Variants in AKAP13 observed in about 807,000 individuals in gnomAD.
AKAP13 encodes the protein A-kinase anchoring protein 13, also known as A-kinase anchor protein 13.
AKAP13 carries 80 observed loss-of-function variants against 264.5 expected under a neutral mutation model. The ratio of observed to expected loss-of-function variants is 0.30; its 90% CI spans 0.25 to 0.36. The LOEUF is 0.36. AKAP13 is among the 10% of genes least tolerant of loss of function. AKAP13 has a pLI of 1.00. For missense variants in AKAP13, 3,712 were observed against 3,435.2 expected (o/e 1.08, Z -2.01); for synonymous variants, 1,380 against 1,250.2 (o/e 1.10, Z -2.19).
chr15:85,723,286 T>G lies in AKAP13; in HGVS notation c.6711T>G (p.Ser2237Arg). Residue 2237 changes from serine to arginine, a missense_variant, in exon 26 of 37, where the codon AGT becomes AGG. Ser to Arg is a moderately radical substitution (Grantham distance 110, BLOSUM62 -1). Around this residue, in one of 3 missense-constraint regions of AKAP13, gnomAD observed 342 missense variants for 484.3 expected, o/e 0.71. Coordinates refer to ENST00000394518, the MANE Select transcript of AKAP13 (RefSeq NM_007200.5). Reference sequence around the variant, plus strand: ...GGAAGAAGCTTGTACGTGATGGGAGTGTGTTTCTGAAGAATGCAGCAGGAA... The same window carrying G: ...GGAAGAAGCTTGTACGTGATGGGAGGGTGTTTCTGAAGAATGCAGCAGGAA... Reference protein sequence around the residue: ...LKRKKLVRDGSVFLKNAAGRL... With the variant: ...LKRKKLVRDGRVFLKNAAGRL... 1 of 1,613,934 alleles carries G rather than the reference T, an allele frequency of 6.2e-7. No homozygotes were observed. Among genetic ancestry groups the G allele is most frequent in the South Asian group, 1.1e-5 (1 of 91,060 alleles).
chr15:85,646,953 T>G (rs935274961), intron 10 of AKAP13, among the ~76,000 whole-genome samples: 1 of 152,234 alleles, frequency 6.6e-6, no homozygotes, highest in African/African-American at 2.4e-5. Context: ...ACAAGTGGTT[T>G]TCTTAATGGT....
intron 1 of AKAP13, among the ~76,000 whole-genome samples, chr15:85,413,678 T>C (rs756667247): frequency 1.9e-4 from 29 of 152,070 alleles, no homozygotes; most frequent in Admixed American, 1.4e-3. Context: ...GTCATCACGG[T>C]TTCAGCTCCG....
At chr15:85,558,943 T>C (rs2078248974) in intron 5 of AKAP13, among the ~76,000 whole-genome samples, 3 of 150,356 alleles carry the variant, frequency 2.0e-5, no homozygotes, top group Admixed American at 6.6e-5. Flanking sequence ...TTCCCCTCCC[T>C]CCTCCTCCTC....
intron 1 of AKAP13, among the ~76,000 whole-genome samples, chr15:85,471,630 A>G (rs2074964636): frequency 6.6e-6 from 1 of 152,240 alleles, no homozygotes; most frequent in African/African-American, 2.4e-5. Context: ...ACAATCAGCA[A>G]ATAGAACATT....
Position 85,504,503 on chromosome 15 carries a change from C to CAAAAAAAAAA in AKAP13, c.34-16902_34-16893dup, listed in dbSNP as rs566579814. On this transcript the variant is annotated intron_variant, in intron 2 of 36. Coordinates refer to ENST00000394518, the MANE Select transcript of AKAP13 (RefSeq NM_007200.5). ...GCGATGTGGTGAGACCCTGTCTTTA[C>CAAAAAAAAAA]AAAAAAAAAAAAAAAAAAAAAAAAA... Among the ~76,000 whole-genome samples the CAAAAAAAAAA allele has an allele frequency of 2.7e-3, 250 of 91,014 alleles. 8 individuals carry two copies. Among genetic ancestry groups the CAAAAAAAAAA allele is most frequent in the East Asian group, 7.1e-3 (16 of 2,260 alleles). The allele number at this position is 91,014 out of a possible 152,430, so 59.7% of individuals were successfully genotyped here. A position where few individuals can be genotyped will look rare whatever the true frequency, so the allele number is the denominator to read the frequency against.
At chr15:85,526,275 T>G (rs1300733828) in intron 3 of AKAP13, among the ~76,000 whole-genome samples, 1 of 152,222 alleles carries the variant, frequency 6.6e-6, no homozygotes, top group African/African-American at 2.4e-5. Context: ...TTTGTTTTGT[T>G]TTGAGACAGA....
At chr15:85,402,004 A>T (rs1157517018) in intron 1 of AKAP13, among the ~76,000 whole-genome samples, 1 of 152,216 alleles carries the variant, frequency 6.6e-6, no homozygotes, top group Admixed American at 6.5e-5. Flanking sequence ...CTGGATTAGG[A>T]TTCAATAAAT....
At chr15:85,454,016 C>T (rs1291673475) in intron 1 of AKAP13, among the ~76,000 whole-genome samples, 3 of 152,204 alleles carry the variant, frequency 2.0e-5, no homozygotes, top group African/African-American at 7.2e-5. Context: ...CCCACCTCTT[C>T]CCCTAGGAGC....
At chr15:85,510,184 C>T (rs1375539455) in intron 2 of AKAP13, among the ~76,000 whole-genome samples, 1 of 152,182 alleles carries the variant, frequency 6.6e-6, no homozygotes, top group African/African-American at 2.4e-5. Flanking sequence ...GAGATGCAGT[C>T]TCTGGCCCAG....
chr15:85,733,736 T>G (rs1437369973), intron 30 of AKAP13, among the ~76,000 whole-genome samples: 1 of 152,100 alleles, frequency 6.6e-6, no homozygotes, highest in Non-Finnish European at 1.5e-5. Context: ...AATTTGCTCT[T>G]ATATTCTAGT....
At chr15:85,442,736 TTAA>T (rs2073754364) in intron 1 of AKAP13, among the ~76,000 whole-genome samples, 1 of 151,660 alleles carries the variant, frequency 6.6e-6, no homozygotes, top group Admixed American at 6.6e-5. Flanking sequence ...AGCAACACTT[TTAA>T]TTTTGTGCAA....
At chr15:85,438,318 G>C in intron 1 of AKAP13, among the ~76,000 whole-genome samples, 1 of 144,956 alleles carries the variant, frequency 6.9e-6, no homozygotes, top group African/African-American at 2.6e-5. Flanking sequence ...AAATAAAAGA[G>C]GATACAAACA....
In AKAP13 at chr15:85,740,227, T is replaced by G. The variant is rs1353345922; in HGVS notation, c.7563T>G (p.Val2521=). 6.2e-7 allele frequency: 1 copy of G among 1,614,082 alleles called. No homozygotes were observed. Among genetic ancestry groups the G allele is most frequent in the East Asian group, 2.2e-5 (1 of 44,902 alleles). ...VFMLKRNSEQ[V]VQSVVHLYEL... Reference sequence around the variant, plus strand: ...CCATTTTGTTCCTTTGGCAGCAGGTTGTCCAGAGCGTTGTTCATCTCTACG... The same window carrying G: ...CCATTTTGTTCCTTTGGCAGCAGGTGGTCCAGAGCGTTGTTCATCTCTACG... Residue 2521 remains valine, a synonymous_variant, in exon 34 of 37, where the codon GTT becomes GTG. Transcript: ENST00000394518.
intron 1 of AKAP13, among the ~76,000 whole-genome samples, chr15:85,472,032 C>T (rs188640527): frequency 3.3e-5 from 5 of 151,926 alleles, no homozygotes; most frequent in African/African-American, 4.8e-5. Context: ...GCAAGTTTTT[C>T]GGTCTTCAGT....
rs2077308177 is a variant in AKAP13 at position 85,533,661 on chromosome 15, G to A, written c.259G>A (p.Glu87Lys). Reference protein sequence around the residue: ...EGLPVFVVAEEDFHFVQDEAY... With the variant: ...EGLPVFVVAEKDFHFVQDEAY... ...CCTTCCCGTGTTTGTGGTGGCTGAA[G>A]AAGACTTTCATTTCGTCCAGGATGA... Residue 87 changes from glutamate (E) to lysine (K), a missense_variant, in exon 4 of 37, where the codon GAA (glutamate) becomes AAA (lysine). Around this residue, in one of 3 missense-constraint regions of AKAP13, gnomAD observed 2,759 missense variants for 2,411.7 expected, o/e 1.14. Transcript: ENST00000394518. 6.2e-7 allele frequency: 1 copy of A among 1,614,226 alleles called. No homozygotes were observed. The highest frequency in any genetic ancestry group is 1.1e-5 in the South Asian group (1 of 91,086).
In AKAP13 at chr15:85,581,574, G is replaced by C. The variant is rs942037311; in HGVS notation, c.3506G>C (p.Cys1169Ser). 6.2e-7 allele frequency: 1 copy of C among 1,614,192 alleles called. No homozygotes were observed. The highest frequency in any genetic ancestry group is 1.3e-5 in the African/African-American group (1 of 75,036). ...AAGCTGGAGGGAGCAGACCACAGCT[G>C]TACCATGGGTGACGCTGAGGAAGCC... ...KGKLEGADHS[C>S]TMGDAEEAQI... Residue 1169 changes from cysteine (C) to serine (S), a missense_variant, in exon 7 of 37, where the codon TGT becomes TCT. Cys to Ser is a moderately radical substitution (Grantham distance 112). Coordinates refer to ENST00000394518, the MANE Select transcript of AKAP13 (RefSeq NM_007200.5).
intron 1 of AKAP13, among the ~76,000 whole-genome samples, chr15:85,409,117 A>G (rs1169365119): frequency 6.6e-6 from 1 of 151,506 alleles, no homozygotes; most frequent in Non-Finnish European, 1.5e-5. Context: ...GGCTATTTGT[A>G]TATCTTTTTT....
At chr15:85,446,100 T>C (rs1057409892) in intron 1 of AKAP13, among the ~76,000 whole-genome samples, 1 of 152,188 alleles carries the variant, frequency 6.6e-6, no homozygotes, top group African/African-American at 2.4e-5. Flanking sequence ...AATAAAGGTA[T>C]AGATAGTGAT....
chr15:85,534,557 C>G (rs2077331619), intron 4 of AKAP13: 1 of 151,994 alleles, frequency 6.6e-6, no homozygotes, highest in Admixed American at 6.6e-5. Context: ...GCCTCAGCCT[C>G]CCAAATAGCT....
Sources: allele counts gnomAD v4.1 joint callset (sites outside exome capture counted in the v4.1 genomes callset), GRCh38; gene constraint gnomAD v4.1.1; regional missense constraint gnomAD v4.1.1; transcripts MANE v1.5; gene names NCBI Gene and HGNC (gene_info 2026-07-23, HGNC 2026-07-21).